Variants in ARHGEF26 observed in about 807,000 individuals in gnomAD.
The protein encoded by ARHGEF26 is Rho guanine nucleotide exchange factor (GEF) 26.
A neutral mutation model predicts 89.4 loss-of-function variants in ARHGEF26; 59 were observed. The ratio of observed to expected loss-of-function variants is 0.66; its 90% CI spans 0.54 to 0.82. ARHGEF26 has a LOEUF of 0.82. Among genes scored for constraint, ARHGEF26 ranks in the 40% least tolerant of loss-of-function variants. The pLI is 0.00. For missense variants in ARHGEF26, 1,234 were observed against 1,085.6 expected (o/e 1.14, Z -1.92); for synonymous variants, 500 against 428.4 (o/e 1.17, Z -2.06).
At chr3:154,124,004 A>G (rs561246226) in intron 2 of ARHGEF26, among the ~76,000 whole-genome samples, 2 of 152,368 alleles carry the variant, frequency 1.3e-5, no homozygotes, top group South Asian at 4.1e-4. Context: ...GCAAAACACA[A>G]GCAAGCCTGT....
intron 12 of ARHGEF26, among the ~76,000 whole-genome samples, chr3:154,241,964 T>TA (rs1318085917): frequency 6.6e-6 from 1 of 152,204 alleles, no homozygotes; most frequent in East Asian, 1.9e-4. Context: ...TAGGAGAAGG[T>TA]ACAGAAATCT....
At chr3:154,214,349 T>C (rs1170484135) in intron 9 of ARHGEF26, among the ~76,000 whole-genome samples, 1 of 152,172 alleles carries the variant, frequency 6.6e-6, no homozygotes, top group Admixed American at 6.5e-5. Flanking sequence ...CAGCCAGTAA[T>C]CCAGGCAGCA....
intron 6 of ARHGEF26, among the ~76,000 whole-genome samples, chr3:154,175,415 T>C (rs1712748645): frequency 6.7e-6 from 1 of 149,564 alleles, no homozygotes. Flanking sequence ...TTTCTACGGT[T>C]AAATTTCAAG....
At chr3:154,126,446 A>G (rs1356363765) in intron 3 of ARHGEF26, among the ~76,000 whole-genome samples, 1 of 152,116 alleles carries the variant, frequency 6.6e-6, no homozygotes, top group African/African-American at 2.4e-5. Context: ...GTCTTTCACC[A>G]GTCTGTTCTA....
chr3:154,180,433 G>C (rs1392924200), intron 6 of ARHGEF26, among the ~76,000 whole-genome samples: 1 of 151,300 alleles, frequency 6.6e-6, no homozygotes, highest in Non-Finnish European at 1.5e-5. Flanking sequence ...CAATGATTAC[G>C]CTAAGGCCAA....
intron 10 of ARHGEF26, among the ~76,000 whole-genome samples, chr3:154,218,811 A>G (rs1474233704): frequency 6.6e-6 from 1 of 152,216 alleles, no homozygotes; most frequent in Non-Finnish European, 1.5e-5. Flanking sequence ...GATCACTGAT[A>G]TAGTCCAGCT....
chr3:154,182,247 A>G (rs1412870572), intron 6 of ARHGEF26, among the ~76,000 whole-genome samples: 2 of 152,198 alleles, frequency 1.3e-5, no homozygotes, highest in African/African-American at 2.4e-5. Context: ...TCATAGAACA[A>G]GAGAACTTAG....
chr3:154,251,398 G>T (rs1298278051), intron 12 of ARHGEF26, among the ~76,000 whole-genome samples: 7 of 152,232 alleles, frequency 4.6e-5, no homozygotes, highest in Non-Finnish European at 8.8e-5. Context: ...AGCCTGGTAA[G>T]AGAAGCAGAT....
intron 9 of ARHGEF26, among the ~76,000 whole-genome samples, chr3:154,205,710 C>T (rs1213841344): frequency 6.6e-6 from 1 of 152,006 alleles, no homozygotes. Flanking sequence ...ATTATTTTAA[C>T]ACAATAACAG....
chr3:154,154,773 A>G (rs1720226820), intron 6 of ARHGEF26, among the ~76,000 whole-genome samples: 1 of 152,018 alleles, frequency 6.6e-6, no homozygotes, highest in South Asian at 2.1e-4. Context: ...TCCTTTCTCC[A>G]GCTACAATAA....
At chr3:154,209,860 G>A (rs553191443) in intron 9 of ARHGEF26, among the ~76,000 whole-genome samples, 84 of 152,290 alleles carry the variant, frequency 5.5e-4, no homozygotes, top group Non-Finnish European at 1.1e-3. Context: ...CCAGGCCCCA[G>A]GTGGGTCGAG....
At chr3:154,203,827 C>T (rs1714825608) in intron 9 of ARHGEF26, among the ~76,000 whole-genome samples, 1 of 151,274 alleles carries the variant, frequency 6.6e-6, no homozygotes, top group South Asian at 2.1e-4. Context: ...AGGGATAAAT[C>T]CCGCTTGGCC....
chr3:154,168,017 G>A (rs1712152371), intron 6 of ARHGEF26, among the ~76,000 whole-genome samples: 1 of 152,172 alleles, frequency 6.6e-6, no homozygotes, highest in Non-Finnish European at 1.5e-5. Flanking sequence ...CTCACCTGCT[G>A]TTAATTTATT....
chr3:154,193,877 CACCCAGGAG>C (rs1432208050), intron 8 of ARHGEF26, among the ~76,000 whole-genome samples: 5 of 149,688 alleles, frequency 3.3e-5, no homozygotes, highest in Non-Finnish European at 2.9e-5. Context: ...GAGATGCTGT[CACCCAGGAG>C]TGCAATGGTG....
intron 10 of ARHGEF26, among the ~76,000 whole-genome samples, chr3:154,222,390 T>TA (rs1442396406): frequency 4.6e-5 from 7 of 152,206 alleles, no homozygotes; most frequent in African/African-American, 1.4e-4. Flanking sequence ...AGTGTAAAGT[T>TA]AGAGCACAGG....
At chr3:154,252,045 A>G (rs924364453) in intron 12 of ARHGEF26, among the ~76,000 whole-genome samples, 3 of 152,210 alleles carry the variant, frequency 2.0e-5, no homozygotes, top group Non-Finnish European at 2.9e-5. Context: ...CAATGCGGTA[A>G]GTCATCCTCT....
chr3:154,135,884 T>C (rs779367371), intron 4 of ARHGEF26, among the ~76,000 whole-genome samples: 3 of 152,328 alleles, frequency 2.0e-5, no homozygotes, highest in East Asian at 3.9e-4. Flanking sequence ...TCCAAGATCA[T>C]GTACTATGCA....
chr3:154,184,979 G>A (rs918390924), intron 6 of ARHGEF26, among the ~76,000 whole-genome samples: 1 of 152,080 alleles, frequency 6.6e-6, no homozygotes, highest in African/African-American at 2.4e-5. Flanking sequence ...CCAGACCCAC[G>A]TTGCTTCCAC....
In ARHGEF26 at chr3:154,122,723, A is replaced by G; in HGVS notation, c.731A>G (p.Lys244Arg). 1 of 1,613,478 alleles carries G rather than the reference A, an allele frequency of 6.2e-7. No homozygotes were observed. The highest frequency in any genetic ancestry group is 8.5e-7 in the Non-Finnish European group (1 of 1,179,658). Residue 244 changes from lysine (K) to arginine (R), a missense_variant, in exon 2 of 15, where the codon AAA becomes AGA. Coordinates refer to ENST00000465093, the MANE Select transcript of ARHGEF26 (RefSeq NM_015595.4). ...AGTACAAACAGCCCCGCCGCCCTCA[A>G]AGTGGGGAAGCAGCAGATCATTCCG... The part of the protein sequence containing the change: ...VLSTNSPAAL[K>R]VGKQQIIPKS...
Sources: allele counts gnomAD v4.1 joint callset (sites outside exome capture counted in the v4.1 genomes callset), GRCh38; gene constraint gnomAD v4.1.1; transcripts MANE v1.5; gene names NCBI Gene and HGNC (gene_info 2026-07-23, HGNC 2026-07-21).